The following TTBK2 variants were observed in gnomAD, a reference collection of about 807,000 sequenced individuals.
TTBK2 encodes the protein tau tubulin kinase 2.
TTBK2 carries 28 observed loss-of-function variants against 110.8 expected under a neutral mutation model. The observed-to-expected ratio is 0.25, with a 90% confidence interval of 0.19 to 0.35. The LOEUF (loss-of-function observed/expected upper bound fraction) is 0.35. Among genes scored for constraint, TTBK2 ranks in the 10% least tolerant of loss-of-function variants. The pLI is 1.00. For synonymous variants in TTBK2, 532 were observed against 527.3 expected (o/e 1.01, Z -0.12); for missense variants, 1,369 against 1,500.3 (o/e 0.91, Z 1.45).
chr15:42,762,119 T>C (rs532053233), intron 13 of TTBK2, among the ~76,000 whole-genome samples: 132 of 152,336 alleles, frequency 8.7e-4, no homozygotes, highest in African/African-American at 3.1e-3. Flanking sequence ...CATGTGGAAC[T>C]GTAAGTCCAA....
intron 13 of TTBK2, among the ~76,000 whole-genome samples, chr15:42,774,091 C>T (rs1889794617): frequency 6.6e-6 from 1 of 152,198 alleles, no homozygotes; most frequent in African/African-American, 2.4e-5. Flanking sequence ...TTTTGGAGCA[C>T]AGGCAAATTT....
At chr15:42,782,663 A>G (rs1200795436) in intron 11 of TTBK2, among the ~76,000 whole-genome samples, 1 of 152,232 alleles carries the variant, frequency 6.6e-6, no homozygotes, top group Non-Finnish European at 1.5e-5. Context: ...AATGTACAGC[A>G]CTATACATTA....
intron 2 of TTBK2, among the ~76,000 whole-genome samples, chr15:42,875,830 C>T (rs943676897): frequency 3.5e-5 from 5 of 142,892 alleles, no homozygotes; most frequent in South Asian, 2.2e-4. Flanking sequence ...CGCTTGAACC[C>T]GGGAGGCGCA....
Position 42,752,043 on chromosome 15 carries a change from G to A in TTBK2, c.3203C>T (p.Ser1068Leu). ...CCGAGGAAAGAACTGAGACGAAGTT[G>A]AGCTATTGACCTGATCTGTGTTGAC... ...SWVNTDQVNS[S>L]TSSQFFPRPP... is the part of the protein sequence containing the mutation. Residue 1068 changes from serine (S) to leucine (L), a missense_variant, in exon 14 of 15, where the codon TCA becomes TTA. Transcript: ENST00000267890. The A allele has an allele frequency of 6.2e-7, 1 of 1,614,246 alleles. No homozygotes were observed. Among genetic ancestry groups the A allele is most frequent in the South Asian group, 1.1e-5 (1 of 91,080 alleles).
At chr15:42,919,421 T>C (rs2031253490) in intron 1 of TTBK2, among the ~76,000 whole-genome samples, 1 of 152,214 alleles carries the variant, frequency 6.6e-6, no homozygotes, top group South Asian at 2.1e-4. Flanking sequence ...CACATCTTTG[T>C]GTTATACTGT....
At chr15:42,822,399 T>A (rs1417118435) in intron 6 of TTBK2, among the ~76,000 whole-genome samples, 1 of 152,174 alleles carries the variant, frequency 6.6e-6, no homozygotes, top group East Asian at 1.9e-4. Context: ...TCTATGAGCA[T>A]ATTTTATTTG....
At chr15:42,770,028 C>T (rs1383348757) in intron 13 of TTBK2, among the ~76,000 whole-genome samples, 1 of 149,284 alleles carries the variant, frequency 6.7e-6, no homozygotes, top group East Asian at 2.0e-4. Flanking sequence ...CACATGCTCT[C>T]ACTCATAGGT....
chr15:42,779,200 T>G (rs1229088881), intron 11 of TTBK2, among the ~76,000 whole-genome samples: 1 of 152,060 alleles, frequency 6.6e-6, no homozygotes, highest in African/African-American at 2.4e-5. Flanking sequence ...GGCCAGGAGT[T>G]CAAGACCAGC....
At chr15:42,795,581 G>A (rs1416625327) in intron 9 of TTBK2, among the ~76,000 whole-genome samples, 1 of 152,014 alleles carries the variant, frequency 6.6e-6, no homozygotes, top group Non-Finnish European at 1.5e-5. Context: ...CCCCAGACCT[G>A]AAATCAGCAC....
At chr15:42,750,984 G>C (rs1402584784) in intron 14 of TTBK2, among the ~76,000 whole-genome samples, 2 of 152,142 alleles carry the variant, frequency 1.3e-5, no homozygotes, top group East Asian at 3.8e-4. Context: ...TGGCAAAACT[G>C]TCCTTCAAAA....
chr15:42,885,494 AC>A (rs1895205778), intron 1 of TTBK2, among the ~76,000 whole-genome samples: 1 of 152,200 alleles, frequency 6.6e-6, no homozygotes, highest in Non-Finnish European at 1.5e-5. Flanking sequence ...AAACTCCGGC[AC>A]CAGTCACGGA....
intron 7 of TTBK2, among the ~76,000 whole-genome samples, chr15:42,812,581 T>A (rs1016069289): frequency 2.6e-5 from 4 of 152,084 alleles, no homozygotes; most frequent in Non-Finnish European, 5.9e-5. Context: ...AGAAAAAGCC[T>A]CACCAAACAT....
chr15:42,917,296 C>G (rs1596058700), intron 1 of TTBK2, among the ~76,000 whole-genome samples: 1 of 151,970 alleles, frequency 6.6e-6, no homozygotes, highest in East Asian at 1.9e-4. Flanking sequence ...TATATGTTCA[C>G]TTAAGCATCA....
chr15:42,831,030 G>A lies in TTBK2; in HGVS notation c.292-952C>T, dbSNP rs892046849. ...AAAAAAAAAATGTATATATGTGTGT[G>A]TGTGTGTGTGTGTGTGTGTGTGATC... On this transcript the variant is annotated intron_variant, in intron 4 of 14. Transcript: ENST00000267890. Among the ~76,000 whole-genome samples the A allele has an allele frequency of 6.0e-5, 9 of 150,610 alleles. No homozygotes were observed. The East Asian group carries it at 1.3e-3, about 22-fold the overall frequency.
At chr15:42,804,103 C>T (rs1214709056) in intron 9 of TTBK2, among the ~76,000 whole-genome samples, 1 of 148,866 alleles carries the variant, frequency 6.7e-6, no homozygotes, top group East Asian at 2.0e-4. Flanking sequence ...CTTACATTTA[C>T]ATGATACTTT....
chr15:42,754,510 C>T (rs1159470956), intron 13 of TTBK2, among the ~76,000 whole-genome samples: 1 of 151,814 alleles, frequency 6.6e-6, no homozygotes, highest in East Asian at 2.0e-4. Flanking sequence ...ATTCTCCCTG[C>T]CTCAGCCTCC....
In TTBK2 at chr15:42,742,718, A is replaced by C. The variant is rs1168223063; in HGVS notation, c.*3077T>G. 6.6e-6 allele frequency: 1 copy of C among 152,184 alleles called. No individual in the cohort carries two copies. Among genetic ancestry groups the C allele is most frequent in the African/African-American group, 2.4e-5 (1 of 41,440 alleles). The allele number at this position is 152,184 out of a possible 1,614,324, so 9.4% of individuals were successfully genotyped here. On this transcript the variant is annotated 3_prime_UTR_variant, in exon 15 of 15. Transcript: ENST00000267890. ...AGGTAATACTTGATTTTCAAAAGAT[A>C]ATTTTAACTGCTGCCCTATACTACT...
At position 42,742,650 on chromosome 15, in the gene TTBK2, G is replaced by C. The variant is rs1192797247; in HGVS notation, c.*3145C>G. ...AACAAGGGAAGGCAAGGGCAACTGTGACTGACTAGGTAACCAGCTATTCTG... is the reference window on the plus strand; with the variant it reads ...AACAAGGGAAGGCAAGGGCAACTGTCACTGACTAGGTAACCAGCTATTCTG... On this transcript the variant is annotated 3_prime_UTR_variant, in exon 15 of 15. Coordinates refer to ENST00000267890, the MANE Select transcript of TTBK2 (RefSeq NM_173500.4). The C allele has an allele frequency of 6.6e-6, 1 of 152,200 alleles. No homozygotes were observed. 9.4% of individuals were successfully genotyped at this position (152,200 alleles called of 1,614,324 possible).
At chr15:42,789,099 A>G (rs1160426485) in intron 10 of TTBK2, among the ~76,000 whole-genome samples, 1 of 152,188 alleles carries the variant, frequency 6.6e-6, no homozygotes, top group Non-Finnish European at 1.5e-5. Context: ...ACTTCTGAAA[A>G]TACAATTTTA....
Sources: gnomAD v4.1 joint callset for allele counts (sites outside exome capture counted in the v4.1 genomes callset) on GRCh38, gnomAD v4.1.1 for gene constraint, MANE v1.5 for transcripts, NCBI Gene and HGNC (gene_info 2026-07-23, HGNC 2026-07-21) for gene names.